CCDC178: variants seen among roughly 807,000 people sequenced by gnomAD.
CCDC178 encodes coiled-coil domain containing 178.
Under a neutral mutation model 117.4 loss-of-function variants are expected in CCDC178, and 126 were observed. That is an observed-to-expected ratio of 1.07 (90% CI 0.93 to 1.24). The LOEUF (loss-of-function observed/expected upper bound fraction) is 1.24. Ranked by LOEUF, CCDC178 falls within the 50% of genes most tolerant of loss-of-function variation. The pLI is 0.00. For missense variants in CCDC178, 1,030 were observed against 986.9 expected (o/e 1.04, Z -0.59); for synonymous variants, 283 against 313.4 (o/e 0.90, Z 1.02).
chr18:32,958,237 A>T, intron 22 of CCDC178: 2 of 555,748 alleles, frequency 3.6e-6, no homozygotes, highest in East Asian at 6.3e-5. Context: ...AAACAAAAAC[A>T]TAGTTAGTGA....
chr18:33,063,998 C>T (rs748075614), intron 21 of CCDC178, among the ~76,000 whole-genome samples: 12 of 152,174 alleles, frequency 7.9e-5, no homozygotes, highest in Admixed American at 5.9e-4. Flanking sequence ...AGCAACCTCT[C>T]CAGCCAACAC....
chr18:33,199,887 G>T (rs971536061), intron 20 of CCDC178, among the ~76,000 whole-genome samples: 5 of 152,112 alleles, frequency 3.3e-5, no homozygotes, highest in Admixed American at 1.3e-4. Flanking sequence ...ATTGAATCCA[G>T]TTCCAAATCT....
chr18:33,313,699 C>T (rs954096175), intron 11 of CCDC178, among the ~76,000 whole-genome samples: 8 of 152,102 alleles, frequency 5.3e-5, no homozygotes, highest in South Asian at 2.1e-4. Flanking sequence ...GAGACTTGCC[C>T]CACTTGCTAT....
At chr18:33,034,846 ATTATC>A (rs769495107) in intron 21 of CCDC178, among the ~76,000 whole-genome samples, 85 of 152,142 alleles carry the variant, frequency 5.6e-4, no homozygotes, top group Non-Finnish European at 9.7e-4. Context: ...CTCAATGATA[ATTATC>A]TTATGATATT....
chr18:33,120,806 T>G (rs937960365), intron 20 of CCDC178, among the ~76,000 whole-genome samples: 6 of 152,170 alleles, frequency 3.9e-5, no homozygotes, highest in African/African-American at 1.2e-4. Flanking sequence ...TAACATGATA[T>G]ATAACTTTAT....
At chr18:33,338,354 A>G (rs1489528923) in intron 9 of CCDC178, among the ~76,000 whole-genome samples, 1 of 152,196 alleles carries the variant, frequency 6.6e-6, no homozygotes, top group East Asian at 1.9e-4. Flanking sequence ...GAGATTGCTT[A>G]AAGAACTAAA....
chr18:33,392,834 G>A (rs890806186), intron 4 of CCDC178, among the ~76,000 whole-genome samples: 2 of 151,968 alleles, frequency 1.3e-5, no homozygotes, highest in African/African-American at 4.8e-5. Flanking sequence ...GGGCAACAAA[G>A]TAAAACCCTC....
chr18:33,201,421 C>T (rs2058988150), intron 20 of CCDC178, among the ~76,000 whole-genome samples: 1 of 152,116 alleles, frequency 6.6e-6, no homozygotes, highest in African/African-American at 2.4e-5. Flanking sequence ...ATCAGTGATG[C>T]TCTCCCTAAT....
At chr18:33,300,202 A>C (rs989701030) in intron 11 of CCDC178, among the ~76,000 whole-genome samples, 25 of 152,216 alleles carry the variant, frequency 1.6e-4, no homozygotes, top group African/African-American at 4.6e-4. Flanking sequence ...ACTTTCCTCC[A>C]TGATTGTTAC....
At chr18:33,052,312 G>C (rs9961454) in intron 21 of CCDC178, among the ~76,000 whole-genome samples, 2,175 of 152,228 alleles carry the variant, frequency 0.014, 56 homozygotes, top group African/African-American at 0.049. Context: ...ATCATAAACA[G>C]CAGGCATGTC....
intron 21 of CCDC178, among the ~76,000 whole-genome samples, chr18:33,035,162 T>A (rs1260358122): frequency 6.6e-6 from 1 of 151,884 alleles, no homozygotes; most frequent in African/African-American, 2.4e-5. Context: ...AGTTAGGATG[T>A]TTATAAAGGC....
chr18:33,394,945 A>ATG (rs1389405596), intron 4 of CCDC178, among the ~76,000 whole-genome samples: 2,144 of 33,822 alleles, frequency 0.063, 12 homozygotes, highest in South Asian at 0.1. Flanking sequence ...ATGTATGTGT[A>ATG]TATATATATA....
At chr18:33,121,125 T>C (rs776513129) in intron 20 of CCDC178, among the ~76,000 whole-genome samples, 3 of 152,164 alleles carry the variant, frequency 2.0e-5, no homozygotes, top group Non-Finnish European at 4.4e-5. Context: ...TTTGCAGATT[T>C]GATTAAATCC....
intron 21 of CCDC178, among the ~76,000 whole-genome samples, chr18:33,067,356 G>C (rs1216869817): frequency 6.6e-6 from 1 of 152,108 alleles, no homozygotes; most frequent in Non-Finnish European, 1.5e-5. Flanking sequence ...ATCAAAAGCA[G>C]TGCTAAGAGG....
At chr18:33,153,156 A>C (rs1190312553) in intron 20 of CCDC178, among the ~76,000 whole-genome samples, 2 of 146,752 alleles carry the variant, frequency 1.4e-5, no homozygotes, top group Non-Finnish European at 3.0e-5. Context: ...ATATATATAT[A>C]ACATATATTA....
At chr18:33,391,120 T>A (rs1408289276) in intron 4 of CCDC178, among the ~76,000 whole-genome samples, 1 of 150,972 alleles carries the variant, frequency 6.6e-6, no homozygotes, top group Non-Finnish European at 1.5e-5. Flanking sequence ...AAGAACCAAA[T>A]ATAAAATAAT....
At chr18:33,276,274 G>T (rs575943269) in intron 12 of CCDC178, among the ~76,000 whole-genome samples, 7 of 152,070 alleles carry the variant, frequency 4.6e-5, no homozygotes, top group African/African-American at 1.7e-4. Context: ...GGCCTGAAAA[G>T]CTGGAAGGTT....
chr18:32,962,152 TAA>T (rs2054716914), intron 22 of CCDC178, among the ~76,000 whole-genome samples: 1 of 152,064 alleles, frequency 6.6e-6, no homozygotes, highest in Non-Finnish European at 1.5e-5. Context: ...ATTTTATATT[TAA>T]GACTTGCACC....
intron 21 of CCDC178, among the ~76,000 whole-genome samples, chr18:33,074,590 G>A (rs1244274088): frequency 1.3e-5 from 2 of 152,184 alleles, no homozygotes; most frequent in South Asian, 2.1e-4. Flanking sequence ...CAGAGTAAAA[G>A]CTGCTGACAC....
Sources: gnomAD v4.1 joint callset for allele counts (sites outside exome capture counted in the v4.1 genomes callset) on GRCh38, gnomAD v4.1.1 for gene constraint, MANE v1.5 for transcripts, NCBI Gene and HGNC (gene_info 2026-07-23, HGNC 2026-07-21) for gene names.